Variants in PTPRM observed in about 807,000 individuals in gnomAD.
PTPRM encodes receptor-type tyrosine-protein phosphatase mu.
A neutral mutation model predicts 186.7 loss-of-function variants in PTPRM; 47 were observed. That is an observed-to-expected ratio of 0.25 (90% confidence interval 0.20 to 0.32). PTPRM has a LOEUF of 0.32. PTPRM is among the 10% of genes least tolerant of loss of function. The pLI is 1.00. For missense variants in PTPRM, 1,494 were observed against 1,865.0 expected, an observed-to-expected ratio of 0.80 and a Z score of 3.66; for synonymous variants, 668 against 674.9, an observed-to-expected ratio of 0.99 and a Z score of 0.16.
At chr18:7,997,204 G>A (rs1288168799) in intron 7 of PTPRM, among the ~76,000 whole-genome samples, 6 of 152,032 alleles carry the variant, frequency 3.9e-5, no homozygotes, top group African/African-American at 9.7e-5. Flanking sequence ...ATAGACCAAC[G>A]GAACAGAAGA....
At chr18:7,980,456 C>A (rs567367690) in intron 7 of PTPRM, among the ~76,000 whole-genome samples, 13 of 152,136 alleles carry the variant, frequency 8.5e-5, no homozygotes, top group African/African-American at 2.9e-4. Flanking sequence ...GTGATCACAG[C>A]TCACTGCGCC....
chr18:7,797,539 A>T (rs986394770), intron 2 of PTPRM, among the ~76,000 whole-genome samples: 9 of 152,318 alleles, frequency 5.9e-5, no homozygotes, highest in African/African-American at 2.2e-4. Context: ...TGTTGAAAAG[A>T]GATAATTTTG....
At chr18:7,851,634 C>CA (rs890535944) in intron 2 of PTPRM, among the ~76,000 whole-genome samples, 2 of 70,272 alleles carry the variant, frequency 2.8e-5, no homozygotes, top group Non-Finnish European at 4.9e-5. Context: ...CAACAACAAA[C>CA]AAAAAAACAA....
intron 1 of PTPRM, among the ~76,000 whole-genome samples, chr18:7,580,061 TCTAA>T (rs2036802857): frequency 6.6e-6 from 1 of 152,202 alleles, no homozygotes; most frequent in Non-Finnish European, 1.5e-5. Context: ...ATATGACATC[TCTAA>T]CTAGCTGTCA....
intron 10 of PTPRM, among the ~76,000 whole-genome samples, chr18:8,087,870 T>C (rs1258516047): frequency 1.3e-5 from 2 of 152,116 alleles, no homozygotes; most frequent in Admixed American, 6.6e-5. Flanking sequence ...TGTGAAAATA[T>C]GGTATGCCCT....
intron 7 of PTPRM, among the ~76,000 whole-genome samples, chr18:8,006,347 A>G (rs983799638): frequency 6.6e-6 from 1 of 152,206 alleles, no homozygotes; most frequent in African/African-American, 2.4e-5. Flanking sequence ...CAGTGTTTCC[A>G]TGAGTGAGAG....
intron 13 of PTPRM, among the ~76,000 whole-genome samples, chr18:8,119,623 G>T (rs746120614): frequency 6.6e-6 from 1 of 151,950 alleles, no homozygotes; most frequent in African/African-American, 2.4e-5. Flanking sequence ...GTATATTAAG[G>T]CCCCCTGAGA....
intron 1 of PTPRM, among the ~76,000 whole-genome samples, chr18:7,583,694 G>A (rs2036904577): frequency 6.6e-6 from 1 of 152,194 alleles, no homozygotes; most frequent in Non-Finnish European, 1.5e-5. Flanking sequence ...ATGAGCAGAG[G>A]AGGGCAGAAT....
At chr18:7,925,736 T>G (rs1191802294) in intron 4 of PTPRM, among the ~76,000 whole-genome samples, 1 of 152,340 alleles carries the variant, frequency 6.6e-6, no homozygotes, top group Non-Finnish European at 1.5e-5. Flanking sequence ...TCTTTCACTC[T>G]ATCATTGTTA....
chr18:8,226,123 T>C (rs1440257312), intron 14 of PTPRM, among the ~76,000 whole-genome samples: 1 of 146,956 alleles, frequency 6.8e-6, no homozygotes, highest in African/African-American at 2.6e-5. Flanking sequence ...CTGTAACAGA[T>C]AGCAAATGTT....
intron 13 of PTPRM, among the ~76,000 whole-genome samples, chr18:8,131,589 G>A (rs879888489): frequency 5.9e-5 from 9 of 152,138 alleles, no homozygotes; most frequent in South Asian, 4.2e-4. Flanking sequence ...GTTTAGATGA[G>A]GATGCCTTTC....
At chr18:8,005,065 C>T (rs994608870) in intron 7 of PTPRM, among the ~76,000 whole-genome samples, 1 of 152,120 alleles carries the variant, frequency 6.6e-6, no homozygotes, top group African/African-American at 2.4e-5. Context: ...ACATGTGCAG[C>T]TTGTATAGCT....
At chr18:7,625,555 G>A (rs889130799) in intron 1 of PTPRM, among the ~76,000 whole-genome samples, 5 of 150,390 alleles carry the variant, frequency 3.3e-5, no homozygotes, top group African/African-American at 7.4e-5. Flanking sequence ...TTTTTTTTGA[G>A]ACAGAGTCTC....
chr18:8,227,133 T>A (rs748344309), intron 14 of PTPRM, among the ~76,000 whole-genome samples: 2 of 152,188 alleles, frequency 1.3e-5, no homozygotes, highest in African/African-American at 2.4e-5. Flanking sequence ...AATTGCGACT[T>A]TTGTCGTTAC....
intron 7 of PTPRM, among the ~76,000 whole-genome samples, chr18:8,063,379 T>C (rs2042255859): frequency 6.6e-6 from 1 of 151,730 alleles, no homozygotes; most frequent in South Asian, 2.1e-4. Flanking sequence ...ACCCGGTACC[T>C]CAGATGGAAA....
At chr18:8,324,697 T>C (rs2095365091) in intron 22 of PTPRM, among the ~76,000 whole-genome samples, 1 of 152,208 alleles carries the variant, frequency 6.6e-6, no homozygotes. Flanking sequence ...TCATTTCATC[T>C]TTACCACAAA....
At chr18:8,248,622 C>A (rs560298786) in intron 17 of PTPRM, among the ~76,000 whole-genome samples, 23 of 152,264 alleles carry the variant, frequency 1.5e-4, no homozygotes, top group African/African-American at 5.1e-4. Flanking sequence ...TTAAAAGTAG[C>A]GTTTTTCTAA....
intron 7 of PTPRM, among the ~76,000 whole-genome samples, chr18:8,041,659 T>G (rs2086699799): frequency 6.6e-6 from 1 of 152,200 alleles, no homozygotes; most frequent in African/African-American, 2.4e-5. Flanking sequence ...CAGTAGAGCT[T>G]GAGTTGGCTT....
chr18:7,987,632 A>G (rs1040803013), intron 7 of PTPRM, among the ~76,000 whole-genome samples: 9 of 152,188 alleles, frequency 5.9e-5, no homozygotes. Flanking sequence ...GCTGGGGCTG[A>G]TGGTGAAATT....
Sources: allele counts gnomAD v4.1 joint callset (sites outside exome capture counted in the v4.1 genomes callset), GRCh38; gene constraint gnomAD v4.1.1; transcripts MANE v1.5; gene names NCBI Gene and HGNC (gene_info 2026-07-23, HGNC 2026-07-21).